SPOCK1: variants seen among roughly 807,000 people sequenced by gnomAD.
The protein encoded by SPOCK1 is testican-1.
A neutral mutation model predicts 55.3 loss-of-function variants in SPOCK1; 23 were observed. The observed-to-expected ratio is 0.42, with a 90% CI of 0.30 to 0.59. The LOEUF (loss-of-function observed/expected upper bound fraction) is 0.59. Ranked by LOEUF, SPOCK1 falls within the 20% of genes least tolerant of loss-of-function variation. The pLI is 0.22. For synonymous variants in SPOCK1, 226 were observed against 221.0 expected, an observed-to-expected ratio of 1.02 and a Z score of -0.20; for missense variants, 499 against 552.5, an observed-to-expected ratio of 0.90 and a Z score of 0.97.
chr5:137,267,144 C>A, intron 2 of SPOCK1, 89 bp from the exon 3 acceptor site: 1 of 1,067,784 alleles, frequency 9.4e-7, no homozygotes, highest in Non-Finnish European at 1.4e-6. Context: ...TTTCACCTCC[C>A]AAAACACAAA....
Position 137,018,230 on chromosome 5 carries a change from GT to G in SPOCK1, c.590-25631del, listed in dbSNP as rs1561581038. The stretch of plus-strand genomic sequence containing the variant: ...CACCCAAAACGGCAACAGTGCCCAG[GT>G]TGAAAAACCCTAGTGTAGAAGAGAA... On this transcript the variant is annotated intron_variant, in intron 6 of 10. Transcript: ENST00000394945. 3.3e-5 allele frequency among the ~76,000 whole-genome samples: 5 copies of G among 152,288 alleles called. No homozygotes were observed. In the South Asian group the frequency reaches 1.0e-3, roughly 32 times the overall value.
At position 137,347,014 on chromosome 5, in the gene SPOCK1, G is replaced by T. The variant is rs375173477; in HGVS notation, c.187-79959C>A. ...TTACCTCCAGGGTCCTTCCAGTTCTGCCTCCTAAACATGTCTCAAAGGCAC... is the reference window on the plus strand; with the variant it reads ...TTACCTCCAGGGTCCTTCCAGTTCTTCCTCCTAAACATGTCTCAAAGGCAC... On this transcript the variant is annotated intron_variant, in intron 2 of 10. Transcript: ENST00000394945. Among the ~76,000 whole-genome samples the T allele has an allele frequency of 7.9e-4, 120 of 152,092 alleles. 3 individuals carry two copies. In the South Asian group the frequency reaches 0.025, roughly 31 times the overall value.
At chr5:137,164,370 A>G (rs1754610835) in intron 3 of SPOCK1, among the ~76,000 whole-genome samples, 1 of 152,066 alleles carries the variant, frequency 6.6e-6, no homozygotes, top group Non-Finnish European at 1.5e-5. Flanking sequence ...TCTTGAGGGG[A>G]AGGACCCAGT....
chr5:137,337,537 C>G (rs190651257), intron 2 of SPOCK1, among the ~76,000 whole-genome samples: 1 of 152,302 alleles, frequency 6.6e-6, no homozygotes, highest in East Asian at 1.9e-4. Context: ...TCACAACATC[C>G]TCCACTTCCG....
intron 2 of SPOCK1, among the ~76,000 whole-genome samples, chr5:137,461,900 T>C (rs1753497278): frequency 6.6e-6 from 1 of 152,208 alleles, no homozygotes; most frequent in Admixed American, 6.5e-5. Context: ...CATCCCATTA[T>C]CTCTTGTGAT....
chr5:137,056,275 CA>C (rs748398898), intron 6 of SPOCK1, among the ~76,000 whole-genome samples: 1 of 151,804 alleles, frequency 6.6e-6, no homozygotes, highest in African/African-American at 2.4e-5. Flanking sequence ...GGGTGGGGGA[CA>C]GGGGGTCTAT....
At chr5:137,346,744 T>G (rs1190772654) in intron 2 of SPOCK1, among the ~76,000 whole-genome samples, 1 of 152,134 alleles carries the variant, frequency 6.6e-6, no homozygotes, top group Non-Finnish European at 1.5e-5. Flanking sequence ...GAAAGACAAC[T>G]CCTGATAGCA....
intron 3 of SPOCK1, among the ~76,000 whole-genome samples, chr5:137,174,334 G>A (rs1417319643): frequency 6.6e-6 from 1 of 152,154 alleles, no homozygotes; most frequent in African/African-American, 2.4e-5. Flanking sequence ...TCCCCTCCAC[G>A]GGGAAGAGAC....
chr5:137,318,509 G>T (rs1296507820), intron 2 of SPOCK1, among the ~76,000 whole-genome samples: 1 of 152,166 alleles, frequency 6.6e-6, no homozygotes. Context: ...ATCCCTCTCA[G>T]TACCTTGAGA....
intron 2 of SPOCK1, among the ~76,000 whole-genome samples, chr5:137,399,312 G>T (rs2064598822): frequency 6.6e-6 from 1 of 152,086 alleles, no homozygotes; most frequent in South Asian, 2.1e-4. Context: ...CCTACTAGGG[G>T]ATATCCAGGG....
chr5:137,497,539 A>G (rs1393818000), intron 2 of SPOCK1, among the ~76,000 whole-genome samples: 8 of 152,166 alleles, frequency 5.3e-5, no homozygotes, highest in Non-Finnish European at 1.0e-4. Context: ...CTCCCACAGA[A>G]CAGAGGAGAT....
intron 2 of SPOCK1, among the ~76,000 whole-genome samples, chr5:137,286,433 G>A (rs1757267200): frequency 6.6e-6 from 1 of 152,212 alleles, no homozygotes; most frequent in East Asian, 1.9e-4. Context: ...GAACAAGAAT[G>A]CCAGGTCAGG....
At chr5:137,036,446 T>G (rs1215901235) in intron 6 of SPOCK1, among the ~76,000 whole-genome samples, 1 of 152,234 alleles carries the variant, frequency 6.6e-6, no homozygotes, top group East Asian at 1.9e-4. Context: ...CTCTCTACTT[T>G]CCTTCCTTCT....
intron 5 of SPOCK1, among the ~76,000 whole-genome samples, chr5:137,082,679 T>C (rs539418327): frequency 6.6e-6 from 1 of 152,302 alleles, no homozygotes; most frequent in South Asian, 2.1e-4. Context: ...CCTGGCTGTA[T>C]GCTTGGGCAT....
intron 2 of SPOCK1, among the ~76,000 whole-genome samples, chr5:137,311,397 C>T (rs1416643919): frequency 2.0e-5 from 3 of 152,194 alleles, no homozygotes; most frequent in Non-Finnish European, 4.4e-5. Context: ...CATATTAAAA[C>T]CACCTGGGGA....
rs542773380 is a variant in SPOCK1 at position 137,259,461 on chromosome 5, A to G, written c.232+7549T>C. Among the ~76,000 whole-genome samples the G allele has an allele frequency of 7.9e-5, 12 of 152,102 alleles. 1 individual carries two copies. The highest frequency in any genetic ancestry group is 1.6e-4 in the Non-Finnish European group (11 of 68,022). On this transcript the variant is annotated intron_variant, in intron 3 of 10. Coordinates refer to ENST00000394945, the MANE Select transcript of SPOCK1 (RefSeq NM_004598.4). ...CAATGAGAACATGTGAACACAGGGAAGGGAGCATCACATACTGGGGCCTGT... is the reference window on the plus strand; with the variant it reads ...CAATGAGAACATGTGAACACAGGGAGGGGAGCATCACATACTGGGGCCTGT...
intron 2 of SPOCK1, among the ~76,000 whole-genome samples, chr5:137,304,149 A>AG (rs1173665714): frequency 6.6e-6 from 1 of 152,128 alleles, no homozygotes; most frequent in East Asian, 1.9e-4. Flanking sequence ...AGCACAAAGA[A>AG]GGGGGAAAAA....
At chr5:137,436,996 A>G (rs887030072) in intron 2 of SPOCK1, among the ~76,000 whole-genome samples, 7 of 152,292 alleles carry the variant, frequency 4.6e-5, no homozygotes, top group Admixed American at 3.9e-4. Context: ...ATGAGTGACG[A>G]ATGGGTCCGA....
chr5:137,098,284 A>T lies in SPOCK1; in HGVS notation c.474+14151T>A, dbSNP rs569011688. Among the ~76,000 whole-genome samples, 261 of 152,270 alleles carry T rather than the reference A, an allele frequency of 1.7e-3. 1 individual carries two copies. Among genetic ancestry groups the T allele is most frequent in the African/African-American group, 6.0e-3 (248 of 41,548 alleles). On this transcript the variant is annotated intron_variant, in intron 5 of 10. Transcript: ENST00000394945. ...AAGCTCTTAACTCGGACACTGCTGC[A>T]CCCAGCCCTCCTCTTCCCCACAGTA...
Sources: allele counts gnomAD v4.1 joint callset (sites outside exome capture counted in the v4.1 genomes callset), GRCh38; gene constraint gnomAD v4.1.1; transcripts MANE v1.5; gene names NCBI Gene and HGNC (gene_info 2026-07-23, HGNC 2026-07-21).